The following SESN3 variants were observed in gnomAD, a reference collection of about 807,000 sequenced individuals.
SESN3 encodes the protein sestrin-3.
In SESN3, 21 loss-of-function variants were observed where a neutral mutation model predicts 55.3. The ratio of observed to expected loss-of-function variants is 0.38; its 90% confidence interval spans 0.27 to 0.55. The LOEUF is 0.55. Ranked by LOEUF, SESN3 falls within the 20% of genes least tolerant of loss-of-function variation. SESN3 has a pLI of 0.76. For missense variants in SESN3, 408 were observed against 604.3 expected (o/e 0.68, Z 3.41); for synonymous variants, 181 against 203.1 (o/e 0.89, Z 0.93).
intron 1 of SESN3, among the ~76,000 whole-genome samples, chr11:95,202,006 T>C (rs968357026): frequency 1.3e-5 from 2 of 152,096 alleles, no homozygotes; most frequent in African/African-American, 4.8e-5. Context: ...CCTTAAGCCC[T>C]GTCTCAAATA....
intron 4 of SESN3, among the ~76,000 whole-genome samples, chr11:95,187,330 A>T (rs1220862450): frequency 6.6e-6 from 1 of 151,860 alleles, no homozygotes; most frequent in Non-Finnish European, 1.5e-5. Context: ...TGCCCTCACC[A>T]ATCTCTGCAG....
chr11:95,181,261 AAAGT>A (rs1265228616), intron 6 of SESN3, among the ~76,000 whole-genome samples: 1 of 152,056 alleles, frequency 6.6e-6, no homozygotes, highest in Non-Finnish European at 1.5e-5. Flanking sequence ...TAAACAGTAA[AAAGT>A]AAGTAGTCAG....
chr11:95,171,238 T>C lies in SESN3; in HGVS notation c.*2017A>G, dbSNP rs1859843968. On this transcript the variant is annotated 3_prime_UTR_variant, in exon 10 of 10. Coordinates refer to ENST00000536441, the MANE Select transcript of SESN3 (RefSeq NM_144665.4). ...TGTGTTTTGCCATTCTCCTAAATAT[T>C]TTCTTTGTATTACATATCTACATAA... is the stretch of plus-strand genomic sequence containing the variant. 6.6e-6 allele frequency: 1 copy of C among 152,180 alleles called. No individual in the cohort carries two copies. Among genetic ancestry groups the C allele is most frequent in the Admixed American group, 6.5e-5 (1 of 15,274 alleles). The allele number at this position is 152,180 out of a possible 1,614,324, so 9.4% of individuals were successfully genotyped here. A position where few individuals can be genotyped will look rare whatever the true frequency, so the allele number is the denominator to read the frequency against.
At position 95,165,658 on chromosome 11, in the gene SESN3, T is replaced by C. The variant is rs1170717738; in HGVS notation, c.*7597A>G. The C allele has an allele frequency of 6.6e-6, 1 of 152,062 alleles. No homozygotes were observed. The highest frequency in any genetic ancestry group is 1.5e-5 in the Non-Finnish European group (1 of 67,964). 9.4% of individuals were successfully genotyped at this position (152,062 alleles called of 1,614,324 possible). A position where few individuals can be genotyped will look rare whatever the true frequency, so the allele number is the denominator to read the frequency against. ...AACAAAACCCATTGTTCTGTACCTA[T>C]AAATAGATTTTCAAAATGTCATAAA... On this transcript the variant is annotated 3_prime_UTR_variant, in exon 10 of 10. Transcript: ENST00000536441.
chr11:95,230,842 T>G lies in SESN3; in HGVS notation c.19A>C (p.Ser7Arg). The change falls in exon 1 of 10, where the codon AGC (serine) becomes CGC (arginine). Residue 7 changes from serine (S) to arginine (R), a missense_variant. Ser to Arg is a moderately radical substitution (Grantham distance 110). This residue lies in a region of SESN3 where 61 missense variants were observed against 48.3 expected (regional missense o/e 1.26). Coordinates refer to ENST00000536441, the MANE Select transcript of SESN3 (RefSeq NM_144665.4). This position sits in a 1 kb window ranked among gnomAD's most constrained non-coding sequence, Gnocchi z 4.6. Reference protein sequence around the residue: MNRGGGSPSAAANYLLC... With the variant: MNRGGGRPSAAANYLLC... The stretch of plus-strand genomic sequence containing the variant: ...AGGTAGTTGGCGGCGGCCGACGGGC[T>G]GCCGCCGCCCCGGTTCATCGTGGCT... 1.9e-6 allele frequency: 3 copies of G among 1,559,974 alleles called. No individual in the cohort carries two copies. Among genetic ancestry groups the G allele is most frequent in the South Asian group, 2.3e-5 (2 of 88,632 alleles).
intron 1 of SESN3, among the ~76,000 whole-genome samples, chr11:95,219,975 T>C (rs1265462968): frequency 6.6e-6 from 1 of 152,164 alleles, no homozygotes. Context: ...TGTGTTTCTA[T>C]GGAAAACTCT....
intron 6 of SESN3, among the ~76,000 whole-genome samples, chr11:95,179,605 C>CA (rs1364883770): frequency 6.6e-6 from 1 of 151,854 alleles, no homozygotes; most frequent in Non-Finnish European, 1.5e-5. Flanking sequence ...TTTTAGCTTG[C>CA]AAAAAAGCAT....
At chr11:95,181,763 T>C (rs1390187375) in intron 6 of SESN3, among the ~76,000 whole-genome samples, 1 of 152,124 alleles carries the variant, frequency 6.6e-6, no homozygotes. Flanking sequence ...GAATACTTTA[T>C]AACGCTGGTC....
chr11:95,229,393 C>A (rs1450320480), intron 1 of SESN3, among the ~76,000 whole-genome samples: 1 of 152,062 alleles, frequency 6.6e-6, no homozygotes, highest in Non-Finnish European at 1.5e-5. Context: ...ACTCAACATG[C>A]ACATTTAATA....
chr11:95,225,544 ATT>A (rs1860933252), intron 1 of SESN3, among the ~76,000 whole-genome samples: 2 of 152,208 alleles, frequency 1.3e-5, no homozygotes, highest in African/African-American at 4.8e-5. Flanking sequence ...GCAGAGGACA[ATT>A]AGAAACAGCT....
At chr11:95,214,102 C>T (rs1373273505) in intron 1 of SESN3, among the ~76,000 whole-genome samples, 4 of 152,084 alleles carry the variant, frequency 2.6e-5, no homozygotes, top group Admixed American at 2.0e-4. Flanking sequence ...CTGTCCATTG[C>T]CATGGAGACA....
chr11:95,174,991 T>G (rs1859928325), intron 9 of SESN3, among the ~76,000 whole-genome samples: 1 of 152,162 alleles, frequency 6.6e-6, no homozygotes, highest in Non-Finnish European at 1.5e-5. Context: ...ACTGAAATGT[T>G]GTATTAGGTA....
Position 95,175,568 on chromosome 11 carries a change from G to A in SESN3, c.1322C>T (p.Thr441Ile). The change falls in exon 9 of 10, where the codon ACC (threonine) becomes ATC (isoleucine). Residue 441 changes from threonine (T) to isoleucine (I), a missense_variant. Transcript: ENST00000536441. ...TTTTGTAGTTCTCTCAGGATAGCAG[G>A]TCACTGTCTTAATGTAAACCTTCAG... is the stretch of plus-strand genomic sequence containing the variant. ...RSLKVYIKTV[T>I]CYPERTTKRM... 1 of 1,613,580 alleles carries A rather than the reference G, an allele frequency of 6.2e-7. No individual in the cohort carries two copies. The highest frequency in any genetic ancestry group is 8.5e-7 in the Non-Finnish European group (1 of 1,179,572).
intron 1 of SESN3, among the ~76,000 whole-genome samples, chr11:95,200,430 T>C (rs181335874): frequency 6.6e-6 from 1 of 152,146 alleles, no homozygotes; most frequent in Admixed American, 6.6e-5. Flanking sequence ...ATAACTGAGA[T>C]CCAAGATTAT....
At chr11:95,222,056 C>T (rs1179981560) in intron 1 of SESN3, among the ~76,000 whole-genome samples, 1 of 151,978 alleles carries the variant, frequency 6.6e-6, no homozygotes, top group African/African-American at 2.4e-5. Context: ...AACTGGAACC[C>T]TAGGCTCACC....
Position 95,170,300 on chromosome 11 carries a change from CA to C in SESN3, c.*2954del, listed in dbSNP as rs1449952008. The stretch of plus-strand genomic sequence containing the variant: ...GGTGATCTGAGAAATTATAAATTAC[CA>C]TTGAAGCTGGAAATCTTGAAATTCC... On this transcript the variant is annotated 3_prime_UTR_variant, in exon 10 of 10. Transcript: ENST00000536441. 1 of 152,086 alleles carries C rather than the reference CA, an allele frequency of 6.6e-6. No individual in the cohort carries two copies. The highest frequency in any genetic ancestry group is 2.4e-5 in the African/African-American group (1 of 41,408). 9.4% of individuals were successfully genotyped at this position (152,086 alleles called of 1,614,324 possible). A position where few individuals can be genotyped will look rare whatever the true frequency, so the allele number is the denominator to read the frequency against.
At chr11:95,229,366 A>G (rs1861007909) in intron 1 of SESN3, among the ~76,000 whole-genome samples, 1 of 152,216 alleles carries the variant, frequency 6.6e-6, no homozygotes, top group Non-Finnish European at 1.5e-5. Flanking sequence ...AGTTTATGGA[A>G]AAAAATAACT....
chr11:95,175,744 G>A (rs902531866), intron 8 of SESN3, 102 bp from the exon 9 acceptor site: 2 of 938,122 alleles, frequency 2.1e-6, no homozygotes, highest in Admixed American at 2.5e-5. Context: ...AATACTAAAA[G>A]CTCGTTAATT....
intron 1 of SESN3, chr11:95,201,160 G>A (rs142720705): frequency 6.6e-6 from 1 of 151,990 alleles, no homozygotes; most frequent in Non-Finnish European, 1.5e-5. Flanking sequence ...AAAAATCTTG[G>A]TGTGCCATTT....
Sources: gnomAD v4.1 joint callset for allele counts (sites outside exome capture counted in the v4.1 genomes callset) on GRCh38, gnomAD v4.1.1 for gene constraint, gnomAD v4.1.1 regional missense constraint, Gnocchi (gnomAD v3.1) non-coding constraint, MANE v1.5 for transcripts, NCBI Gene and HGNC (gene_info 2026-07-23, HGNC 2026-07-21) for gene names.